Variants in COX18 observed in about 807,000 individuals in gnomAD.
COX18 encodes cytochrome c oxidase assembly factor COX18.
Under a neutral mutation model 38.0 loss-of-function variants are expected in COX18, and 45 were observed. That is an observed-to-expected ratio of 1.18 (90% CI 0.93 to 1.52). The LOEUF (loss-of-function observed/expected upper bound fraction) is 1.52. Among genes scored for constraint, COX18 ranks in the 40% most tolerant of loss-of-function variants. COX18 has a pLI of 0.00. For synonymous variants in COX18, 177 were observed against 169.8 expected (o/e 1.04, Z -0.33); for missense variants, 462 against 423.8 (o/e 1.09, Z -0.79).
Position 73,058,104 on chromosome 4 carries a change from G to T in COX18, c.*10C>A. 1.3e-6 allele frequency: 2 copies of T among 1,551,834 alleles called. No individual in the cohort carries two copies. Among genetic ancestry groups the T allele is most frequent in the Admixed American group, 1.9e-5 (1 of 53,460 alleles). On this transcript the variant is annotated 3_prime_UTR_variant, in exon 6 of 6. Coordinates refer to ENST00000507544, the MANE Select transcript of COX18 (RefSeq NM_001297732.2). ...CTCCTGCAACTGTTTCAAAATTATT[G>T]GAAAATATGTCATTTTCTTGAAATG...
chr4:73,066,687 G>A (rs1380718921), intron 2 of COX18, among the ~76,000 whole-genome samples: 2 of 152,174 alleles, frequency 1.3e-5, no homozygotes. Context: ...GATAACCCAG[G>A]CAAGCAGCTA....
intron 5 of COX18, 42 bp from the exon 6 acceptor site, chr4:73,058,329 A>AG: frequency 7.0e-7 from 1 of 1,423,732 alleles, no homozygotes; most frequent in Non-Finnish European, 9.8e-7. Context: ...GTAATTCTAC[A>AG]AGGACATCAC....
At chr4:73,062,313 A>G (rs1720211466) in intron 4 of COX18, among the ~76,000 whole-genome samples, 1 of 151,776 alleles carries the variant, frequency 6.6e-6, no homozygotes. Context: ...AGCTATAATC[A>G]TGCCACTGCA....
At position 73,057,777 on chromosome 4, in the gene COX18, C is replaced by A. The variant is rs763406519; in HGVS notation, c.*337G>T. The A allele has an allele frequency of 1.2e-3, 199 of 163,966 alleles. No individual in the cohort carries two copies. Among genetic ancestry groups the A allele is most frequent in the Admixed American group, 1.8e-3 (30 of 17,004 alleles). 10.2% of individuals were successfully genotyped at this position (163,966 alleles called of 1,614,324 possible). Reference sequence around the variant, plus strand: ...CTCTGTATTCCAGGTTCAAGCGATTCTCCTGCCTCAGCCTCCCAAGTAGCT... The same window carrying A: ...CTCTGTATTCCAGGTTCAAGCGATTATCCTGCCTCAGCCTCCCAAGTAGCT... On this transcript the variant is annotated 3_prime_UTR_variant, in exon 6 of 6. Transcript: ENST00000507544.
At chr4:73,064,961 TAA>T in intron 3 of COX18, 59 bp from the exon 4 acceptor site, 1 of 1,527,674 alleles carries the variant, frequency 6.5e-7, no homozygotes, top group Non-Finnish European at 9.0e-7. Context: ...GAAAAATATA[TAA>T]GACATAAATA....
intron 1 of COX18, chr4:73,068,405 C>G (rs1322611682): frequency 3.9e-6 from 1 of 255,050 alleles, no homozygotes; most frequent in African/African-American, 2.3e-5. Context: ...ACCTACTTCA[C>G]AGGGTTACAA....
At position 73,069,304 on chromosome 4, in the gene COX18, C is replaced by A. The variant is rs1560477920; in HGVS notation, c.333+13G>T. On this transcript the variant is annotated intron_variant, in intron 1 of 5. Transcript: ENST00000507544. ...TGCAGCGCAGGGTACGCGCACGGCT[C>A]GGCGCCCCTCACCTTGGCCAGGATG... The A allele has an allele frequency of 4.7e-6, 7 of 1,503,860 alleles. No homozygotes were observed. Among genetic ancestry groups the A allele is most frequent in the Non-Finnish European group, 6.2e-6 (7 of 1,121,540 alleles). The allele number at this position is 1,503,860 out of a possible 1,614,324, so 93.2% of individuals were successfully genotyped here.
At chr4:73,062,593 C>A (rs1720227799) in intron 4 of COX18, among the ~76,000 whole-genome samples, 1 of 152,132 alleles carries the variant, frequency 6.6e-6, no homozygotes, top group Non-Finnish European at 1.5e-5. Flanking sequence ...AACTGGGAGG[C>A]CCAGGCAGGC....
Position 73,061,888 on chromosome 4 carries a change from A to T in COX18, c.756T>A (p.Arg252=). ...CAAAGTACGTAATATACGTCTGAAA[A>T]CGAGACATTCCAATTTTTTGTAGAG... ...ICALQKIGMS[R]FQTYITYFVR... The change falls in exon 5 of 6, where the codon CGT becomes CGA. Residue 252 remains arginine, a synonymous_variant. Transcript: ENST00000507544. The T allele has an allele frequency of 6.2e-7, 1 of 1,613,214 alleles. No individual in the cohort carries two copies. Among genetic ancestry groups the T allele is most frequent in the Non-Finnish European group, 8.5e-7 (1 of 1,179,370 alleles).
intron 2 of COX18, among the ~76,000 whole-genome samples, 165 bp downstream of exon 2, chr4:73,067,864 A>ATATATAT (rs1463244468): frequency 1.5e-4 from 3 of 20,022 alleles, no homozygotes; most frequent in Non-Finnish European, 4.7e-4. Flanking sequence ...AAAAAAAAAA[A>ATATATAT]ATATATATAT....
chr4:73,067,356 T>A (rs1232118350), intron 2 of COX18, among the ~76,000 whole-genome samples: 1 of 152,230 alleles, frequency 6.6e-6, no homozygotes, highest in Non-Finnish European at 1.5e-5. Context: ...TCCTTGATGA[T>A]CTAGCTCCTT....
rs1028203082 is a variant in COX18, at chr4:73,069,366, C to A, written c.284G>T (p.Gly95Val). ...SILLSTVALR[G>V]AVTLPLAAYQ... is the part of the protein sequence containing the mutation. Reference sequence around the variant, plus strand: ...GGCTGCCAAAGGCAGCGTGACAGCACCCCGTAAGGCCACGGTGGAGAGCAG... The same window carrying A: ...GGCTGCCAAAGGCAGCGTGACAGCAACCCGTAAGGCCACGGTGGAGAGCAG... Residue 95 changes from glycine (G) to valine (V), a missense_variant, in exon 1 of 6, where the codon GGT becomes GTT. Transcript: ENST00000507544. The A allele has an allele frequency of 1.9e-6, 3 of 1,556,868 alleles. No homozygotes were observed. Among genetic ancestry groups the A allele is most frequent in the Non-Finnish European group, 2.6e-6 (3 of 1,151,348 alleles).
Position 73,057,144 on chromosome 4 carries a change from A to G in COX18, c.*970T>C, listed in dbSNP as rs1447986773. ...TCATTAAAAAAATTAAAAAAAAAAA[A>G]TGCTGGGTGAGGTGGCTCATGCCTG... On this transcript the variant is annotated 3_prime_UTR_variant, in exon 6 of 6. Transcript: ENST00000507544. 12 of 138,596 alleles carry G rather than the reference A, an allele frequency of 8.7e-5. No individual in the cohort carries two copies. Among genetic ancestry groups the G allele is most frequent in the Admixed American group, 4.4e-4 (6 of 13,756 alleles). 8.6% of individuals were successfully genotyped at this position (138,596 alleles called of 1,614,324 possible).
At chr4:73,065,531 G>A in intron 2 of COX18, 118 bp from the exon 3 acceptor site, 1 of 824,110 alleles carries the variant, frequency 1.2e-6, no homozygotes, top group African/African-American at 1.7e-5. Context: ...TTTGTATAAG[G>A]GTTTCAGCTG....
intron 5 of COX18, among the ~76,000 whole-genome samples, chr4:73,061,122 C>G (rs1422540092): frequency 1.3e-5 from 2 of 152,090 alleles, no homozygotes; most frequent in South Asian, 4.1e-4. Context: ...TATACAGGGA[C>G]AAGTTTACCT....
At chr4:73,067,864 A>AAAAAT in intron 2 of COX18, among the ~76,000 whole-genome samples, 165 bp downstream of exon 2, 22 of 20,018 alleles carry the variant, frequency 1.1e-3, no homozygotes, top group South Asian at 3.5e-3. Flanking sequence ...AAAAAAAAAA[A>AAAAAT]ATATATATAT....
At chr4:73,067,982 GTGTGTGTA>G (rs766923271) in intron 2 of COX18, 39 bp downstream of exon 2, 6 of 967,578 alleles carry the variant, frequency 6.2e-6, no homozygotes, top group Middle Eastern at 2.1e-4. Flanking sequence ...GTGTGTGTGT[GTGTGTGTA>G]TGTGTGCGTA....
In COX18 at chr4:73,055,141, TAAC is replaced by T. The variant is rs1461171103; in HGVS notation, c.*2970_*2972del. On this transcript the variant is annotated 3_prime_UTR_variant, in exon 6 of 6. Transcript: ENST00000507544. ...GAGAAAAATATCTGAGTGTACACAG[TAAC>T]ACACACGGCAAAGGCAAAGTTATTC... 6.6e-6 allele frequency: 1 copy of T among 152,226 alleles called. No individual in the cohort carries two copies. Among genetic ancestry groups the T allele is most frequent in the Non-Finnish European group, 1.5e-5 (1 of 68,038 alleles). 9.4% of individuals were successfully genotyped at this position (152,226 alleles called of 1,614,324 possible). A position where few individuals can be genotyped will look rare whatever the true frequency, so the allele number is the denominator to read the frequency against.
chr4:73,069,032 C>G (rs1441124663), intron 1 of COX18, among the ~76,000 whole-genome samples: 1 of 152,214 alleles, frequency 6.6e-6, no homozygotes, highest in Non-Finnish European at 1.5e-5. Context: ...TTCTTTGTCT[C>G]CGTTCCCCGA....
Sources: gnomAD v4.1 joint callset for allele counts (sites outside exome capture counted in the v4.1 genomes callset) on GRCh38, gnomAD v4.1.1 for gene constraint, MANE v1.5 for transcripts, NCBI Gene and HGNC (gene_info 2026-07-23, HGNC 2026-07-21) for gene names.